Variants in PRKN observed in about 807,000 individuals in gnomAD.
PRKN encodes E3 ubiquitin-protein ligase parkin.
In PRKN, 56 loss-of-function variants were observed where a neutral mutation model predicts 59.5. The ratio of observed to expected loss-of-function variants is 0.94; its 90% CI spans 0.76 to 1.18. PRKN has a LOEUF of 1.18. Ranked by LOEUF, PRKN falls within the 50% of genes most tolerant of loss-of-function variation. PRKN has a pLI of 0.00. For synonymous variants in PRKN, 250 were observed against 222.1 expected, an observed-to-expected ratio of 1.13 and a Z score of -1.12; for missense variants, 657 against 596.4, an observed-to-expected ratio of 1.10 and a Z score of -1.06.
chr6:162,688,912 T>C (rs761501448), intron 1 of PRKN, among the ~76,000 whole-genome samples: 31 of 152,166 alleles, frequency 2.0e-4, no homozygotes, highest in Non-Finnish European at 1.6e-4. Context: ...AATTGAACCA[T>C]AAAGCTTAGC....
At chr6:161,384,882 C>A (rs1410623275) in intron 10 of PRKN, among the ~76,000 whole-genome samples, 1 of 152,160 alleles carries the variant, frequency 6.6e-6, no homozygotes, top group Non-Finnish European at 1.5e-5. Flanking sequence ...CAGTAAATCT[C>A]CCCCCATGGC....
chr6:162,368,759 T>C (rs1159745145), intron 2 of PRKN, among the ~76,000 whole-genome samples: 1 of 152,180 alleles, frequency 6.6e-6, no homozygotes, highest in Non-Finnish European at 1.5e-5. Context: ...CTCTCAACTC[T>C]TCAACGTCCT....
chr6:161,564,023 A>G (rs1016372823), intron 8 of PRKN, among the ~76,000 whole-genome samples: 6 of 147,586 alleles, frequency 4.1e-5, no homozygotes, highest in Non-Finnish European at 7.4e-5. Context: ...AAGCTAAGTT[A>G]GAGAAACAAA....
chr6:161,604,585 A>C (rs1247769350), intron 7 of PRKN, among the ~76,000 whole-genome samples: 1 of 152,210 alleles, frequency 6.6e-6, no homozygotes, highest in Non-Finnish European at 1.5e-5. Flanking sequence ...CACGGATTTG[A>C]TCCTACTTTA....
intron 1 of PRKN, among the ~76,000 whole-genome samples, chr6:162,725,530 C>T (rs773489903): frequency 1.3e-5 from 2 of 152,046 alleles, no homozygotes; most frequent in South Asian, 2.1e-4. Context: ...GAGGCGAATG[C>T]GGGAGGATTG....
At position 162,072,474 on chromosome 6, in the gene PRKN, G is replaced by C. The variant is rs534977515; in HGVS notation, c.535-18300C>G. ...AACAGAAGAAAATTCCACAAGCCCTGAGCCTGATTCTTGGAATATCGATCC... is the reference window on the plus strand; with the variant it reads ...AACAGAAGAAAATTCCACAAGCCCTCAGCCTGATTCTTGGAATATCGATCC... On this transcript the variant is annotated intron_variant, in intron 4 of 11. Coordinates refer to ENST00000366898, the MANE Select transcript of PRKN (RefSeq NM_004562.3). Among the ~76,000 whole-genome samples the C allele has an allele frequency of 4.6e-5, 7 of 152,266 alleles. No individual in the cohort carries two copies. In the South Asian group the frequency reaches 1.5e-3, roughly 32 times the overall value.
chr6:162,683,703 T>G (rs1779856215), intron 1 of PRKN, among the ~76,000 whole-genome samples: 3 of 152,116 alleles, frequency 2.0e-5, no homozygotes, highest in Admixed American at 2.0e-4. Flanking sequence ...ACATGCAGCC[T>G]TCCTACAGAG....
At position 161,787,949 on chromosome 6, in the gene PRKN, C is replaced by A. The variant is rs1219374385; in HGVS notation, c.735-2041G>T. 2.6e-5 allele frequency among the ~76,000 whole-genome samples: 4 copies of A among 152,126 alleles called. No individual in the cohort carries two copies. In the East Asian group the frequency reaches 5.8e-4, roughly 22 times the overall value. ...AGTGAGGCTCTGCCTCAAAAACAAA[C>A]AAACAAAAAAGCTTAGAAATGACCC... On this transcript the variant is annotated intron_variant, in intron 6 of 11. Transcript: ENST00000366898.
chr6:161,369,111 A>G lies in PRKN; in HGVS notation c.1168-8906T>C, dbSNP rs73600950. Among the ~76,000 whole-genome samples, 729 of 152,274 alleles carry G rather than the reference A, an allele frequency of 4.8e-3. 9 individuals carry two copies. The highest frequency in any genetic ancestry group is 0.016 in the African/African-American group (669 of 41,558). ...CCACTGGTTTAGACCTTTGACTGCCACTTCCGAGAGGGGATTTCTACCAGG... is the reference window on the plus strand; with the variant it reads ...CCACTGGTTTAGACCTTTGACTGCCGCTTCCGAGAGGGGATTTCTACCAGG... On this transcript the variant is annotated intron_variant, in intron 10 of 11. Transcript: ENST00000366898. This position sits in a 1 kb window ranked among gnomAD's most constrained non-coding sequence, Gnocchi z 5.8.
At chr6:162,003,184 C>T (rs1246178352) in intron 5 of PRKN, among the ~76,000 whole-genome samples, 1 of 143,490 alleles carries the variant, frequency 7.0e-6, no homozygotes, top group Non-Finnish European at 1.5e-5. Flanking sequence ...GAAAAACCTT[C>T]CCCCAAATTG....
At chr6:162,545,502 C>T (rs1779083668) in intron 1 of PRKN, among the ~76,000 whole-genome samples, 1 of 152,078 alleles carries the variant, frequency 6.6e-6, no homozygotes, top group Non-Finnish European at 1.5e-5. Context: ...GCCATGGCTA[C>T]ATATAATTTG....
chr6:162,615,917 A>T (rs1179156504), intron 1 of PRKN, among the ~76,000 whole-genome samples: 1 of 152,214 alleles, frequency 6.6e-6, no homozygotes, highest in Non-Finnish European at 1.5e-5. Flanking sequence ...AGAGTATATA[A>T]ATTAATATTT....
At chr6:162,372,958 G>A (rs60595014) in intron 2 of PRKN, among the ~76,000 whole-genome samples, 5,868 of 152,096 alleles carry the variant, frequency 0.039, 404 homozygotes, top group African/African-American at 0.14. Flanking sequence ...GTCAACTACC[G>A]GAGGAGTAGG....
At chr6:161,994,772 G>A (rs1034988070) in intron 5 of PRKN, among the ~76,000 whole-genome samples, 2 of 151,940 alleles carry the variant, frequency 1.3e-5, no homozygotes, top group African/African-American at 4.8e-5. Flanking sequence ...GAAGACCTTT[G>A]CAAGGAAAAC....
chr6:162,256,911 G>A (rs1008806466), intron 3 of PRKN, among the ~76,000 whole-genome samples: 3 of 152,120 alleles, frequency 2.0e-5, no homozygotes, highest in African/African-American at 4.8e-5. Context: ...AACAACCAAT[G>A]CTGTCATTTC....
chr6:162,333,563 T>C (rs1783689905), intron 2 of PRKN, among the ~76,000 whole-genome samples: 1 of 152,180 alleles, frequency 6.6e-6, no homozygotes, highest in African/African-American at 2.4e-5. Context: ...ACCATGCCTA[T>C]ATAAAACAGC....
At chr6:161,901,088 T>C (rs1223294428) in intron 6 of PRKN, among the ~76,000 whole-genome samples, 1 of 151,536 alleles carries the variant, frequency 6.6e-6, no homozygotes, top group Non-Finnish European at 1.5e-5. Flanking sequence ...GCTAATTTTT[T>C]TGTATTTTTA....
intron 3 of PRKN, among the ~76,000 whole-genome samples, chr6:162,237,946 T>A (rs2128089776): frequency 6.6e-6 from 1 of 152,236 alleles, no homozygotes; most frequent in Admixed American, 6.5e-5. Flanking sequence ...CATATTACAT[T>A]ATCCAGGTAG....
intron 2 of PRKN, among the ~76,000 whole-genome samples, chr6:162,425,718 C>G (rs1312239825): frequency 6.6e-6 from 1 of 152,000 alleles, no homozygotes; most frequent in Non-Finnish European, 1.5e-5. Context: ...TGATGAAGAA[C>G]TTAGAGAGGA....
Sources: gnomAD v4.1 joint callset for allele counts (sites outside exome capture counted in the v4.1 genomes callset) on GRCh38, gnomAD v4.1.1 for gene constraint, Gnocchi (gnomAD v3.1) non-coding constraint, MANE v1.5 for transcripts, NCBI Gene and HGNC (gene_info 2026-07-23, HGNC 2026-07-21) for gene names.